The following LPIN1 variants were observed in gnomAD, a reference collection of about 807,000 sequenced individuals.
The protein encoded by LPIN1 is lipin 1, also known as phosphatidate phosphatase LPIN1.
In LPIN1, 71 loss-of-function variants were observed where a neutral mutation model predicts 107.5. The observed-to-expected ratio is 0.66, with a 90% CI of 0.55 to 0.80. The LOEUF (loss-of-function observed/expected upper bound fraction) is 0.80. LPIN1 is among the 30% of genes least tolerant of loss of function. The pLI is 0.00. For synonymous variants in LPIN1, 445 were observed against 452.6 expected, an observed-to-expected ratio of 0.98 and a Z score of 0.21; for missense variants, 1,043 against 1,160.6, an observed-to-expected ratio of 0.90 and a Z score of 1.47.
At chr2:11,784,784 G>A (rs1674208789) in intron 9 of LPIN1, 102 bp from the exon 10 acceptor site, 2 of 1,040,098 alleles carry the variant, frequency 1.9e-6, no homozygotes, top group South Asian at 2.5e-5. Context: ...AGCCGTCTGC[G>A]GCTCTGAGGG....
intron 10 of LPIN1, 103 bp downstream of exon 10, chr2:11,785,179 G>A: frequency 1.1e-6 from 1 of 884,102 alleles, no homozygotes; most frequent in Non-Finnish European, 1.7e-6. Flanking sequence ...TTTTCCCTTG[G>A]TTGCGGTTAA....
chr2:11,756,051 GA>G (rs1308630383), intron 1 of LPIN1, among the ~76,000 whole-genome samples: 2 of 152,208 alleles, frequency 1.3e-5, no homozygotes, highest in African/African-American at 4.8e-5. Flanking sequence ...AGAGTAGGAA[GA>G]AAAGTACAAG....
Position 11,755,642 on chromosome 2 carries a change from C to T in LPIN1, c.-10+8971C>T, listed in dbSNP as rs370623638. Among the ~76,000 whole-genome samples, 9 of 151,650 alleles carry T rather than the reference C, an allele frequency of 5.9e-5. No homozygotes were observed. In the East Asian group the frequency reaches 1.2e-3, roughly 20 times the overall value. On this transcript the variant is annotated intron_variant, in intron 1 of 20. Coordinates refer to ENST00000674199, the MANE Select transcript of LPIN1 (RefSeq NM_001349206.2). ...ATGAAGGGGTCATATACCTGGACAG[C>T]CGGGGGAGGAAATGGAGGAGGCAGG...
At chr2:11,733,499 C>T (rs867363601) in intron 1 of LPIN1, among the ~76,000 whole-genome samples, 29 of 143,378 alleles carry the variant, frequency 2.0e-4, no homozygotes, top group African/African-American at 6.8e-4. Flanking sequence ...CTCTCTCTCT[C>T]TTTTTTTTTT....
chr2:11,791,620 T>C (rs747149670), intron 12 of LPIN1: 13 of 1,248,590 alleles, frequency 1.0e-5, no homozygotes, highest in Non-Finnish European at 1.3e-5. Context: ...TACTAATCAC[T>C]AATGATTTCT....
intron 1 of LPIN1, among the ~76,000 whole-genome samples, chr2:11,759,480 A>G (rs1669282256): frequency 1.3e-5 from 2 of 152,194 alleles, no homozygotes; most frequent in South Asian, 2.1e-4. Context: ...CACATGTTTC[A>G]TGGAGCACCG....
chr2:11,823,251 G>A (rs2716638), intron 20 of LPIN1: 9,652 of 152,192 alleles, frequency 0.063, 451 homozygotes, highest in Middle Eastern at 0.12. Context: ...GATGGAACTC[G>A]GCCTGGCCGC....
rs149627527 is a variant in LPIN1 at position 11,809,321 on chromosome 2, C to T, written c.2249+4165C>T. On this transcript the variant is annotated intron_variant, in intron 17 of 20. Coordinates refer to ENST00000674199, the MANE Select transcript of LPIN1 (RefSeq NM_001349206.2). Reference sequence around the variant, plus strand: ...GTGACTTAGAAAAAAGAACACTTACCGTGTTTCCCGAGGTTCGTTAGCTCC... The same window carrying T: ...GTGACTTAGAAAAAAGAACACTTACTGTGTTTCCCGAGGTTCGTTAGCTCC... 6.3e-4 allele frequency among the ~76,000 whole-genome samples: 96 copies of T among 152,272 alleles called. 1 individual carries two copies. Among genetic ancestry groups the T allele is most frequent in the Admixed American group, 1.4e-3 (22 of 15,296 alleles).
rs765616217 is a variant in LPIN1, at chr2:11,805,110, G to C, written c.2203G>C (p.Asp735His). ...LGHILPTLGK[D>H]WTHQGIAKLY... is the part of the protein sequence containing the mutation. ...CCACATTTTGCCCACCCTTGGGAAGGATTGGACCCATCAGGGCATCGCTAA... is the reference window on the plus strand; with the variant it reads ...CCACATTTTGCCCACCCTTGGGAAGCATTGGACCCATCAGGGCATCGCTAA... The change falls in exon 17 of 21, where the codon GAT becomes CAT. Residue 735 changes from aspartate to histidine, a missense_variant. Coordinates refer to ENST00000674199, the MANE Select transcript of LPIN1 (RefSeq NM_001349206.2). The C allele has an allele frequency of 1.9e-6, 3 of 1,613,994 alleles. No homozygotes were observed. In the South Asian group the frequency reaches 3.3e-5, roughly 18 times the overall value.
At chr2:11,805,638 A>G in intron 17 of LPIN1, 2 of 249,120 alleles carry the variant, frequency 8.0e-6, no homozygotes, top group South Asian at 5.3e-5. Context: ...AAGTGGCCCA[A>G]AACAGAACAG....
intron 1 of LPIN1, chr2:11,764,081 T>TAC (rs1670354175): frequency 2.0e-5 from 1 of 50,432 alleles, no homozygotes; most frequent in Admixed American, 1.6e-4. Context: ...TGTGTGTGTA[T>TAC]ATATATATAT....
At chr2:11,690,398 C>T (rs1662211167) in intron 1 of LPIN1, among the ~76,000 whole-genome samples, 1 of 152,136 alleles carries the variant, frequency 6.6e-6, no homozygotes, top group Admixed American at 6.5e-5. Context: ...AAATATTATC[C>T]TTTGCCATGT....
At chr2:11,760,023 G>C (rs1208498582) in intron 1 of LPIN1, among the ~76,000 whole-genome samples, 1 of 147,024 alleles carries the variant, frequency 6.8e-6, no homozygotes, top group Non-Finnish European at 1.5e-5. Flanking sequence ...GGGCAGAGAC[G>C]CTCCTCACCT....
Position 11,724,940 on chromosome 2 carries a change from A to G in LPIN1, c.-72+401A>G, listed in dbSNP as rs11895321. Among the ~76,000 whole-genome samples the G allele has an allele frequency of 0.19, 29,238 of 152,196 alleles. 2,875 individuals carry two copies. Among genetic ancestry groups the G allele is most frequent in the African/African-American group, 0.23 (9,477 of 41,508 alleles). On this transcript the variant is annotated intron_variant, in intron 1 of 21. Transcript: ENST00000396097. Reference sequence around the variant, plus strand: ...CATTTATAAAATTCTAATGTAGACAATAATTTTCCCCCCAATATTTTATTA... The same window carrying G: ...CATTTATAAAATTCTAATGTAGACAGTAATTTTCCCCCCAATATTTTATTA...
At chr2:11,810,873 G>A (rs1039064274) in intron 17 of LPIN1, among the ~76,000 whole-genome samples, 8 of 152,094 alleles carry the variant, frequency 5.3e-5, no homozygotes, top group South Asian at 2.1e-4. Context: ...AAATCTCCCC[G>A]AGTCAGTGTC....
At chr2:11,769,350 C>A (rs1671489521) in intron 3 of LPIN1, among the ~76,000 whole-genome samples, 1 of 152,082 alleles carries the variant, frequency 6.6e-6, no homozygotes, top group African/African-American at 2.4e-5. Context: ...GCTTATTGGC[C>A]ATTTCTGAAT....
rs767988183 is a variant in LPIN1 at position 11,824,715 on chromosome 2, C to G, written c.2705C>G (p.Thr902Ser). The change falls in exon 21 of 21, where the codon ACC (threonine) becomes AGC (serine). Residue 902 changes from threonine to serine, a missense_variant. Thr to Ser is a moderately conservative substitution (Grantham distance 58, BLOSUM62 1). Transcript: ENST00000674199. ...SHSSDFPCSD[T>S]FSNFTFWREP... is the part of the protein sequence containing the mutation. ...TCTTCAGACTTTCCCTGTTCGGATA[C>G]CTTCAGTAACTTCACCTTTTGGAGA... The G allele has an allele frequency of 1.2e-6, 2 of 1,614,052 alleles. No individual in the cohort carries two copies. Among genetic ancestry groups the G allele is most frequent in the African/African-American group, 2.7e-5 (2 of 74,910 alleles).
chr2:11,681,761 A>G (rs957427560), intron 1 of LPIN1, among the ~76,000 whole-genome samples: 6 of 152,062 alleles, frequency 3.9e-5, no homozygotes, highest in Non-Finnish European at 8.8e-5. Flanking sequence ...CCTCCAGTCC[A>G]TGTAGGCTTG....
intron 1 of LPIN1, among the ~76,000 whole-genome samples, chr2:11,760,682 A>G (rs966654790): frequency 5.3e-5 from 8 of 150,580 alleles, no homozygotes; most frequent in African/African-American, 2.0e-4. Flanking sequence ...AAAGAGGGAC[A>G]GGGAGACGGT....
Sources: allele counts gnomAD v4.1 joint callset (sites outside exome capture counted in the v4.1 genomes callset), GRCh38; gene constraint gnomAD v4.1.1; transcripts MANE v1.5; gene names NCBI Gene and HGNC (gene_info 2026-07-23, HGNC 2026-07-21).